KCNAB1: variants seen among roughly 807,000 people sequenced by gnomAD.
KCNAB1 encodes potassium voltage-gated channel subfamily A regulatory beta subunit 1, also known as voltage-gated potassium channel subunit beta-1.
KCNAB1 carries 35 observed loss-of-function variants against 64.6 expected under a neutral mutation model. That is an observed-to-expected ratio of 0.54 (90% CI 0.41 to 0.72). The LOEUF (loss-of-function observed/expected upper bound fraction) is 0.72, where lower values mean the gene tolerates loss of function less well. KCNAB1 is among the 30% of genes least tolerant of loss of function. The pLI is 0.00. For missense variants in KCNAB1, 401 were observed against 512.9 expected (o/e 0.78, Z 2.11); for synonymous variants, 177 against 183.8 (o/e 0.96, Z 0.30).
intron 1 of KCNAB1, among the ~76,000 whole-genome samples, chr3:156,354,112 G>A (rs1289200198): frequency 9.4e-6 from 1 of 105,844 alleles, no homozygotes; most frequent in South Asian, 3.1e-4. Flanking sequence ...GTATATATAT[G>A]TGTGTGTGTA....
At position 156,237,131 on chromosome 3, in the gene KCNAB1, G is replaced by A. The variant is rs890203122; in HGVS notation, c.275+116245G>A. ...AGGTTAGAAAAGAGTAGCTTGAAAGGAGTTTATTGGTTTTAGCCCCTCATA... is the reference window on the plus strand; with the variant it reads ...AGGTTAGAAAAGAGTAGCTTGAAAGAAGTTTATTGGTTTTAGCCCCTCATA... On this transcript the variant is annotated intron_variant, in intron 1 of 13. Transcript: ENST00000490337. 2.6e-5 allele frequency among the ~76,000 whole-genome samples: 4 copies of A among 152,242 alleles called. No homozygotes were observed. The East Asian group carries it at 7.7e-4, about 29-fold the overall frequency.
chr3:156,422,940 A>T (rs1715560863), intron 2 of KCNAB1, among the ~76,000 whole-genome samples: 1 of 152,206 alleles, frequency 6.6e-6, no homozygotes, highest in Non-Finnish European at 1.5e-5. Flanking sequence ...CATTTCGAGG[A>T]GGATGGAGTG....
In KCNAB1 at chr3:156,474,820, G is replaced by A. The variant is rs575371488; in HGVS notation, c.658G>A (p.Glu220Lys). 1 of 1,609,132 alleles carries A rather than the reference G, an allele frequency of 6.2e-7. No homozygotes were observed. The highest frequency in any genetic ancestry group is 1.1e-5 in the South Asian group (1 of 90,946). Residue 220 changes from glutamate to lysine, a missense_variant and splice_region_variant, in exon 8 of 14, where the codon GAA (glutamate) becomes AAA (lysine). Physicochemically the swap from Glu to Lys is moderately conservative, Grantham distance 56. Coordinates refer to ENST00000490337, the MANE Select transcript of KCNAB1 (RefSeq NM_172160.3). ...NRPDSNTPME[E>K]IVRAMTHVIN... is the part of the protein sequence containing the mutation. ...ACCGGACAGTAACACTCCCATGGAA[G>A]GTAAGTTAAGAAAGCTAATAAAATA...
chr3:156,299,732 A>C (rs1194527411), intron 1 of KCNAB1, among the ~76,000 whole-genome samples: 2 of 152,196 alleles, frequency 1.3e-5, no homozygotes, highest in East Asian at 3.9e-4. Flanking sequence ...TTTTTCTTGG[A>C]ATCGACAGCT....
At chr3:156,125,276 G>A (rs1370388549) in intron 1 of KCNAB1, among the ~76,000 whole-genome samples, 3 of 152,162 alleles carry the variant, frequency 2.0e-5, no homozygotes, top group Middle Eastern at 3.2e-3. Context: ...TAAGGCCTAT[G>A]AAGAAAATTA....
At chr3:156,472,441 A>C (rs1713987896) in intron 7 of KCNAB1, among the ~76,000 whole-genome samples, 1 of 152,080 alleles carries the variant, frequency 6.6e-6, no homozygotes, top group Admixed American at 6.6e-5. Context: ...TCCCCAACCA[A>C]TGTCTTTAAA....
rs565440566 is a variant in KCNAB1, at chr3:156,201,285, A to C, written c.275+80399A>C. On this transcript the variant is annotated intron_variant, in intron 1 of 13. Coordinates refer to ENST00000490337, the MANE Select transcript of KCNAB1 (RefSeq NM_172160.3). ...GGCCATCTTGCCAGATCCCCTGTGCATTAATTTTTTATTAATAAATATAAT... is the reference window on the plus strand; with the variant it reads ...GGCCATCTTGCCAGATCCCCTGTGCCTTAATTTTTTATTAATAAATATAAT... 1.7e-3 allele frequency among the ~76,000 whole-genome samples: 254 copies of C among 152,356 alleles called. 1 individual carries two copies. The highest frequency in any genetic ancestry group is 2.6e-3 in the Non-Finnish European group (176 of 68,026).
chr3:156,166,589 C>G (rs75733519), intron 1 of KCNAB1, among the ~76,000 whole-genome samples: 1,720 of 151,954 alleles, frequency 0.011, 31 homozygotes, highest in African/African-American at 0.04. Context: ...TAAAACAGTC[C>G]TTATTCATGA....
chr3:156,447,996 T>C (rs182283382), intron 2 of KCNAB1, among the ~76,000 whole-genome samples: 1 of 152,332 alleles, frequency 6.6e-6, no homozygotes, highest in East Asian at 1.9e-4. Flanking sequence ...CAAACGATAA[T>C]GAGGTAACCA....
rs1371239761 is a variant in KCNAB1 at position 156,374,735 on chromosome 3, C to G, written c.276-46881C>G. On this transcript the variant is annotated intron_variant, in intron 1 of 13. Coordinates refer to ENST00000490337, the MANE Select transcript of KCNAB1 (RefSeq NM_172160.3). ...TGTGGTCCCATGCCCAGCTCTGCCA[C>G]TTATGGCTGTTCGGCCTTAGTTAAA... Among the ~76,000 whole-genome samples the G allele has an allele frequency of 1.5e-5, 2 of 134,966 alleles. 1 individual carries two copies. Among genetic ancestry groups the G allele is most frequent in the Non-Finnish European group, 3.1e-5 (2 of 64,858 alleles). 88.5% of individuals were successfully genotyped at this position (134,966 alleles called of 152,430 possible). A position where few individuals can be genotyped will look rare whatever the true frequency, so the allele number is the denominator to read the frequency against.
rs566018413 is a variant in KCNAB1 at position 156,134,022 on chromosome 3, T to C, written c.275+13136T>C. On this transcript the variant is annotated intron_variant, in intron 1 of 13. Coordinates refer to ENST00000490337, the MANE Select transcript of KCNAB1 (RefSeq NM_172160.3). ...AATATTCCCAATTAAGCCTCATTCA[T>C]CTGACATTGTCAGAGAATGAAAATT... Among the ~76,000 whole-genome samples the C allele has an allele frequency of 3.9e-5, 6 of 152,352 alleles. No homozygotes were observed. In the East Asian group the frequency reaches 1.2e-3, roughly 29 times the overall value.
At chr3:156,429,875 G>A (rs1450107) in intron 2 of KCNAB1, among the ~76,000 whole-genome samples, 35,566 of 152,018 alleles carry the variant, frequency 0.23, 4,769 homozygotes, top group African/African-American at 0.37. Context: ...TCGTAACTCC[G>A]AAATACCCAT....
At chr3:156,507,886 T>C (rs1716930487) in intron 8 of KCNAB1, among the ~76,000 whole-genome samples, 1 of 152,178 alleles carries the variant, frequency 6.6e-6, no homozygotes, top group African/African-American at 2.4e-5. Flanking sequence ...ATTAAACTAT[T>C]ATGGGGCTCT....
chr3:156,264,927 C>G (rs561524027), intron 1 of KCNAB1, among the ~76,000 whole-genome samples: 7 of 152,274 alleles, frequency 4.6e-5, no homozygotes, highest in East Asian at 1.9e-4. Flanking sequence ...ATTTGGTTCC[C>G]CAACTACTAT....
At chr3:156,444,037 C>G (rs1717219142) in intron 2 of KCNAB1, among the ~76,000 whole-genome samples, 1 of 152,124 alleles carries the variant, frequency 6.6e-6, no homozygotes, top group Admixed American at 6.6e-5. Context: ...CAACTCTGGC[C>G]AGATGCTCAT....
intron 1 of KCNAB1, among the ~76,000 whole-genome samples, chr3:156,351,023 A>G (rs1724823623): frequency 6.6e-6 from 1 of 152,238 alleles, no homozygotes. Flanking sequence ...GGAAGGAATC[A>G]GACAGATTAA....
intron 1 of KCNAB1, among the ~76,000 whole-genome samples, chr3:156,237,792 G>T (rs1392766299): frequency 6.6e-6 from 1 of 151,824 alleles, no homozygotes; most frequent in Non-Finnish European, 1.5e-5. Context: ...AATCATTCCT[G>T]ATCTTCTTTT....
intron 1 of KCNAB1, among the ~76,000 whole-genome samples, chr3:156,155,214 C>T (rs558196990): frequency 3.9e-5 from 6 of 152,042 alleles, no homozygotes; most frequent in Non-Finnish European, 5.9e-5. Context: ...TCCCCCCTGC[C>T]CTGCCACCAC....
chr3:156,404,867 A>AATTTG (rs1258957427), intron 1 of KCNAB1, among the ~76,000 whole-genome samples: 1 of 152,194 alleles, frequency 6.6e-6, no homozygotes, highest in African/African-American at 2.4e-5. Context: ...CATGCAAAAC[A>AATTTG]ATTTGATGGC....
Sources: gnomAD v4.1 joint callset for allele counts (sites outside exome capture counted in the v4.1 genomes callset) on GRCh38, gnomAD v4.1.1 for gene constraint, MANE v1.5 for transcripts, NCBI Gene and HGNC (gene_info 2026-07-23, HGNC 2026-07-21) for gene names.